The following CCDC13 variants were observed in gnomAD, a reference collection of about 807,000 sequenced individuals.
CCDC13 encodes the protein coiled-coil domain-containing protein 13.
Under a neutral mutation model 87.3 loss-of-function variants are expected in CCDC13, and 70 were observed. That is an observed-to-expected ratio of 0.80 (90% CI 0.66 to 0.98). The LOEUF (loss-of-function observed/expected upper bound fraction) is 0.98, where lower values mean the gene tolerates loss of function less well. Ranked by LOEUF, CCDC13 falls within the 50% of genes least tolerant of loss-of-function variation. The pLI is 0.00. For missense variants in CCDC13, 842 were observed against 892.0 expected (o/e 0.94, Z 0.71); for synonymous variants, 317 against 360.3 (o/e 0.88, Z 1.36).
intron 10 of CCDC13, among the ~76,000 whole-genome samples, chr3:42,734,871 G>A (rs1698955343): frequency 6.6e-6 from 1 of 152,214 alleles, no homozygotes; most frequent in African/African-American, 2.4e-5. Flanking sequence ...TGCCCTCAAG[G>A]CACCTGCCAA....
intron 13 of CCDC13, among the ~76,000 whole-genome samples, chr3:42,721,921 A>T (rs3916334): frequency 0.5 from 75,932 of 152,024 alleles, 19,267 homozygotes; most frequent in African/African-American, 0.6. Flanking sequence ...AAAATCTGGA[A>T]CAGTATTCTA....
At chr3:42,713,761 T>C (rs1698366719) in intron 13 of CCDC13, among the ~76,000 whole-genome samples, 2 of 152,254 alleles carry the variant, frequency 1.3e-5, no homozygotes, top group South Asian at 4.1e-4. Flanking sequence ...GATGAATTGA[T>C]ATTAGGTATC....
At chr3:42,740,167 A>C (rs1430883513) in intron 8 of CCDC13, among the ~76,000 whole-genome samples, 1 of 152,194 alleles carries the variant, frequency 6.6e-6, no homozygotes, top group Non-Finnish European at 1.5e-5. Flanking sequence ...CTCCCCAAGC[A>C]GGGGAAAAGA....
chr3:42,704,859 G>A (rs1468321940), downstream of CCDC13: 1 of 152,278 alleles, frequency 6.6e-6, no homozygotes, highest in African/African-American at 2.4e-5. Flanking sequence ...GAAAGATATG[G>A]TGGGGAGTGG....
chr3:42,709,670 G>A lies in CCDC13; in HGVS notation c.1988+14C>T, dbSNP rs1698257186. ...ACAACCCTACCCTTTCAGGAAGGCG[G>A]GGCAGGGGAGCACCTGGTTGTCAGC... On this transcript the variant is annotated intron_variant, in intron 15 of 15. Coordinates refer to ENST00000310232, the MANE Select transcript of CCDC13 (RefSeq NM_144719.4). 1 of 1,605,538 alleles carries A rather than the reference G, an allele frequency of 6.2e-7. No individual in the cohort carries two copies. The highest frequency in any genetic ancestry group is 1.3e-5 in the African/African-American group (1 of 74,874).
In CCDC13 at chr3:42,735,849, A is replaced by C. The variant is rs748056672; in HGVS notation, c.1229T>G (p.Val410Gly). Residue 410 changes from valine to glycine, a missense_variant, in exon 10 of 16, where the codon GTG (valine) becomes GGG (glycine). Val to Gly is a moderately radical substitution (Grantham distance 109). Transcript: ENST00000310232. ...TTGCTGGTCCAGGTGGTGCTGGGAC[A>C]CTCGCGTTTTCTCCTCCTGCAGACT... is the stretch of plus-strand genomic sequence containing the variant. ...SLSLQEEKTR[V>G]SQHHLDQQLN... The C allele has an allele frequency of 2.2e-5, 35 of 1,614,054 alleles. No homozygotes were observed. The highest frequency in any genetic ancestry group is 3.0e-5 in the Non-Finnish European group (35 of 1,180,004).
intron 13 of CCDC13, among the ~76,000 whole-genome samples, chr3:42,717,548 A>G (rs1354290332): frequency 6.6e-6 from 1 of 152,166 alleles, no homozygotes; most frequent in Non-Finnish European, 1.5e-5. Flanking sequence ...GGAAATAGAG[A>G]TAACGGTTGC....
At chr3:42,773,098 G>C (rs1263290026) in intron 1 of CCDC13, 78 bp downstream of exon 1, 1 of 152,148 alleles carries the variant, frequency 6.6e-6, no homozygotes, top group Non-Finnish European at 1.5e-5. Context: ...GGTTGCGCTC[G>C]GGCTCGGTTC....
rs187826060 is a variant in CCDC13, at chr3:42,709,060, G to A, written c.2068C>T (p.Arg690Trp). 9.3e-6 allele frequency: 15 copies of A among 1,614,110 alleles called. No homozygotes were observed. The East Asian group carries it at 2.0e-4, about 22-fold the overall frequency. The change falls in exon 16 of 16, where the codon CGG (arginine) becomes TGG (tryptophan). Residue 690 changes from arginine to tryptophan, a missense_variant. By Grantham distance (101) the Arg-to-Trp change is moderately radical. Coordinates refer to ENST00000310232, the MANE Select transcript of CCDC13 (RefSeq NM_144719.4). ...SALRGKEEDF[R>W]MYHEILGQVK... ...TGGCCCAGGATCTCATGGTACATCC[G>A]GAAGTCCTCCTCCTTTCCCCGCAGG...
chr3:42,727,372 A>T (rs533480756), intron 13 of CCDC13, among the ~76,000 whole-genome samples: 10 of 152,188 alleles, frequency 6.6e-5, no homozygotes, highest in Non-Finnish European at 1.2e-4. Context: ...ACTCGGTCTC[A>T]AAAAAAGAAA....
chr3:42,742,599 C>A (rs1699254743), intron 8 of CCDC13, among the ~76,000 whole-genome samples: 1 of 152,138 alleles, frequency 6.6e-6, no homozygotes, highest in Non-Finnish European at 1.5e-5. Context: ...ACTTCTGGGG[C>A]CATGACCCTC....
chr3:42,735,210 C>T (rs1559646171), intron 10 of CCDC13, among the ~76,000 whole-genome samples: 1 of 152,244 alleles, frequency 6.6e-6, no homozygotes, highest in Non-Finnish European at 1.5e-5. Context: ...GTGTGCTTCA[C>T]GCTGCGCGTA....
In CCDC13 at chr3:42,735,914, C is replaced by A. The variant is rs1203606268; in HGVS notation, c.1165-1G>T. ...TCTCCTGTAGCTGCTTCAGCTGGTC[C>A]TGGGGGGCCAGGCAGGAGGGCAGGT... On this transcript the variant is annotated splice_acceptor_variant, in intron 9 of 15. Coordinates refer to ENST00000310232, the MANE Select transcript of CCDC13 (RefSeq NM_144719.4). LOFTEE classifies it high-confidence loss of function. 28 of 1,612,622 alleles carry A rather than the reference C, an allele frequency of 1.7e-5. No homozygotes were observed. Among genetic ancestry groups the A allele is most frequent in the Non-Finnish European group, 2.3e-5 (27 of 1,179,496 alleles).
At chr3:42,714,612 C>T (rs534860765) in intron 13 of CCDC13, among the ~76,000 whole-genome samples, 1 of 152,326 alleles carries the variant, frequency 6.6e-6, no homozygotes, top group African/African-American at 2.4e-5. Context: ...AAAGCCAGAA[C>T]TCCCTGAGAT....
intron 10 of CCDC13, 109 bp from the exon 11 acceptor site, chr3:42,733,718 GCTT>G: frequency 7.2e-7 from 1 of 1,386,152 alleles, no homozygotes; most frequent in South Asian, 1.6e-5. Flanking sequence ...TATGAAAGAG[GCTT>G]CTTTTCAGGA....
chr3:42,722,109 C>T (rs192504268), intron 13 of CCDC13, among the ~76,000 whole-genome samples: 3 of 152,304 alleles, frequency 2.0e-5, no homozygotes, highest in African/African-American at 7.2e-5. Context: ...GATAAGCTTA[C>T]TGAATACTTT....
intron 12 of CCDC13, among the ~76,000 whole-genome samples, chr3:42,731,536 G>A (rs1698831102): frequency 6.6e-6 from 1 of 152,156 alleles, no homozygotes; most frequent in Non-Finnish European, 1.5e-5. Flanking sequence ...CAGAATCCCA[G>A]GCTTTACCCC....
chr3:42,742,177 C>T (rs1413322586), intron 8 of CCDC13, among the ~76,000 whole-genome samples: 1 of 152,234 alleles, frequency 6.6e-6, no homozygotes, highest in East Asian at 1.9e-4. Flanking sequence ...ACACCCTGTA[C>T]TCTTGGCTAC....
At chr3:42,730,194 TG>T (rs1698788746) in intron 13 of CCDC13, among the ~76,000 whole-genome samples, 1 of 152,196 alleles carries the variant, frequency 6.6e-6, no homozygotes, top group Non-Finnish European at 1.5e-5. Context: ...GATTTACTTC[TG>T]GGTGTCTCTC....
Sources: gnomAD v4.1 joint callset for allele counts (sites outside exome capture counted in the v4.1 genomes callset) on GRCh38, gnomAD v4.1.1 for gene constraint, MANE v1.5 for transcripts, NCBI Gene and HGNC (gene_info 2026-07-23, HGNC 2026-07-21) for gene names.